Variants in NAALADL2 observed in about 807,000 individuals in gnomAD.
NAALADL2 encodes inactive N-acetylated-alpha-linked acidic dipeptidase-like protein 2.
NAALADL2 carries 76 observed loss-of-function variants against 87.2 expected under a neutral mutation model. The ratio of observed to expected loss-of-function variants is 0.87; its 90% confidence interval spans 0.72 to 1.05. The LOEUF (loss-of-function observed/expected upper bound fraction) is 1.05, where lower values mean the gene tolerates loss of function less well. Among genes scored for constraint, NAALADL2 ranks in the 50% least tolerant of loss-of-function variants. The pLI is 0.00. For synonymous variants in NAALADL2, 354 were observed against 331.0 expected (o/e 1.07, Z -0.75); for missense variants, 1,089 against 945.8 (o/e 1.15, Z -1.99).
At chr3:174,807,888 T>TGTGA (rs575685742) in intron 3 of NAALADL2, among the ~76,000 whole-genome samples, 2 of 111,514 alleles carry the variant, frequency 1.8e-5, no homozygotes, top group African/African-American at 5.7e-5. Flanking sequence ...TGTGTGTGTG[T>TGTGA]GAGAGAGAGA....
At chr3:175,406,695 T>C (rs1052899129) in intron 5 of NAALADL2, among the ~76,000 whole-genome samples, 1 of 152,192 alleles carries the variant, frequency 6.6e-6, no homozygotes. Context: ...CCTGTATATA[T>C]ACCATCAAAC....
At chr3:175,512,666 G>A (rs1366315557) in intron 9 of NAALADL2, among the ~76,000 whole-genome samples, 2 of 152,150 alleles carry the variant, frequency 1.3e-5, no homozygotes, top group South Asian at 2.1e-4. Context: ...GGTGAAAAAT[G>A]TTCTTGAGTA....
At chr3:175,587,934 G>A (rs565848302) in intron 10 of NAALADL2, among the ~76,000 whole-genome samples, 11 of 152,228 alleles carry the variant, frequency 7.2e-5, no homozygotes, top group African/African-American at 2.6e-4. Context: ...TACACCTGGG[G>A]AAGAGGACAA....
chr3:175,377,943 G>A (rs764393534), intron 5 of NAALADL2, among the ~76,000 whole-genome samples: 9 of 151,522 alleles, frequency 5.9e-5, no homozygotes, highest in South Asian at 2.1e-4. Flanking sequence ...AATAAACCCC[G>A]CCCCCTGCAT....
rs1027785990 is a variant in NAALADL2 at position 175,644,319 on chromosome 3, T to G, written c.1896+16933T>G. Among the ~76,000 whole-genome samples the G allele has an allele frequency of 9.9e-5, 15 of 152,240 alleles. No individual in the cohort carries two copies. In the East Asian group the frequency reaches 2.9e-3, roughly 29 times the overall value. ...ATCTAGTTTGCCAATATCTTTATGTTTTTAGTCCTTTGAGGTTCTTAAATT... is the reference window on the plus strand; with the variant it reads ...ATCTAGTTTGCCAATATCTTTATGTGTTTAGTCCTTTGAGGTTCTTAAATT... On this transcript the variant is annotated intron_variant, in intron 11 of 13. Transcript: ENST00000454872.
At chr3:175,119,310 G>T (rs965117411) in intron 2 of NAALADL2, among the ~76,000 whole-genome samples, 1 of 151,452 alleles carries the variant, frequency 6.6e-6, no homozygotes, top group Non-Finnish European at 1.5e-5. Context: ...AATGAACAGG[G>T]GTGAATTTAC....
chr3:175,590,820 G>A (rs1439443815), intron 10 of NAALADL2, among the ~76,000 whole-genome samples: 1 of 152,180 alleles, frequency 6.6e-6, no homozygotes, highest in African/African-American at 2.4e-5. Flanking sequence ...AGTTAAAAGT[G>A]TGCATAAATC....
At chr3:175,458,590 A>T (rs1369247855) in intron 6 of NAALADL2, among the ~76,000 whole-genome samples, 3 of 148,378 alleles carry the variant, frequency 2.0e-5, no homozygotes, top group Non-Finnish European at 4.5e-5. Flanking sequence ...AATAAAAATA[A>T]ATTATATATA....
chr3:174,984,366 C>A (rs1054891910), intron 1 of NAALADL2, among the ~76,000 whole-genome samples: 1 of 152,088 alleles, frequency 6.6e-6, no homozygotes, highest in Admixed American at 6.6e-5. Flanking sequence ...TGCACCAAAA[C>A]TGGGTTGCTA....
At chr3:175,031,289 T>C (rs1172050817) in intron 1 of NAALADL2, among the ~76,000 whole-genome samples, 1 of 151,952 alleles carries the variant, frequency 6.6e-6, no homozygotes, top group Non-Finnish European at 1.5e-5. Flanking sequence ...CCTTCCATAC[T>C]CTAGGAGTCC....
At chr3:174,640,471 G>A (rs59070370) in intron 2 of NAALADL2, among the ~76,000 whole-genome samples, 32,824 of 151,958 alleles carry the variant, frequency 0.22, 4,143 homozygotes, top group African/African-American at 0.34. Context: ...GTGTGTGGAA[G>A]GGAAAAATGG....
At chr3:175,094,126 A>C (rs567931040) in intron 1 of NAALADL2, among the ~76,000 whole-genome samples, 1 of 149,816 alleles carries the variant, frequency 6.7e-6, no homozygotes, top group Admixed American at 6.7e-5. Flanking sequence ...AATGTTTTTT[A>C]AAAAAAAACC....
chr3:175,756,464 T>C (rs1308962516), intron 13 of NAALADL2, among the ~76,000 whole-genome samples: 3 of 152,172 alleles, frequency 2.0e-5, no homozygotes, highest in Admixed American at 2.0e-4. Flanking sequence ...AAATGTGGTA[T>C]ATGTACTCTA....
chr3:175,468,324 A>C (rs57061016), intron 8 of NAALADL2, among the ~76,000 whole-genome samples: 8,361 of 152,154 alleles, frequency 0.055, 721 homozygotes, highest in African/African-American at 0.19. Flanking sequence ...ACTTCAAATG[A>C]AAAAATTCCA....
At chr3:174,708,693 C>G (rs1391278582) in intron 2 of NAALADL2, among the ~76,000 whole-genome samples, 1 of 151,806 alleles carries the variant, frequency 6.6e-6, no homozygotes, top group Non-Finnish European at 1.5e-5. Context: ...TTTGACTTAC[C>G]TTACATATGA....
chr3:175,732,440 C>T (rs1364327435), intron 11 of NAALADL2, among the ~76,000 whole-genome samples: 1 of 152,050 alleles, frequency 6.6e-6, no homozygotes, highest in Non-Finnish European at 1.5e-5. Context: ...GTAAATGATT[C>T]TCTTTAGTAT....
At chr3:174,965,608 A>G (rs1742753346) in intron 1 of NAALADL2, among the ~76,000 whole-genome samples, 1 of 152,136 alleles carries the variant, frequency 6.6e-6, no homozygotes, top group South Asian at 2.1e-4. Flanking sequence ...TAAAGACAAT[A>G]TTTAGGCATA....
At chr3:174,780,945 C>T (rs1330265471) in intron 3 of NAALADL2, among the ~76,000 whole-genome samples, 1 of 151,974 alleles carries the variant, frequency 6.6e-6, no homozygotes, top group Admixed American at 6.6e-5. Context: ...TTTAGTGCTT[C>T]CCTCAGGAGC....
Position 175,701,316 on chromosome 3 carries a change from C to T in NAALADL2, c.1897-35990C>T, listed in dbSNP as rs571348405. Among the ~76,000 whole-genome samples, 140 of 152,218 alleles carry T rather than the reference C, an allele frequency of 9.2e-4. 1 individual carries two copies. The highest frequency in any genetic ancestry group is 3.2e-3 in the African/African-American group (135 of 41,556). ...ATTAAAGAAGCTATCAGTTATTGAT[C>T]AAGTCTGGCTGTTTTCAGTTGATTG... On this transcript the variant is annotated intron_variant, in intron 11 of 13. Coordinates refer to ENST00000454872, the MANE Select transcript of NAALADL2 (RefSeq NM_207015.3).
Sources: allele counts gnomAD v4.1 joint callset (sites outside exome capture counted in the v4.1 genomes callset), GRCh38; gene constraint gnomAD v4.1.1; transcripts MANE v1.5; gene names NCBI Gene and HGNC (gene_info 2026-07-23, HGNC 2026-07-21).